The following FAM107A variants were observed in gnomAD, a reference collection of about 807,000 sequenced individuals.
FAM107A encodes the protein actin-associated protein FAM107A.
FAM107A carries 19 observed loss-of-function variants against 13.7 expected under a neutral mutation model. The observed-to-expected ratio is 1.38, with a 90% confidence interval of 0.97 to 2.03. FAM107A has a LOEUF of 2.03. FAM107A is among the 30% of genes most tolerant of loss of function. The pLI, the probability that FAM107A is intolerant of heterozygous loss-of-function variation, is 0.00. For synonymous variants in FAM107A, 82 were observed against 74.5 expected (o/e 1.10, Z -0.52); for missense variants, 203 against 184.4 (o/e 1.10, Z -0.58).
chr3:58,585,425 G>C (rs542400059), intron 1 of FAM107A, among the ~76,000 whole-genome samples: 1 of 152,382 alleles, frequency 6.6e-6, no homozygotes, highest in South Asian at 2.1e-4. Flanking sequence ...GTTTGGGCCA[G>C]TTCTCGCTTT....
upstream of FAM107A, among the ~76,000 whole-genome samples, chr3:58,579,168 A>C (rs1383349286): frequency 1.3e-5 from 2 of 152,112 alleles, no homozygotes; most frequent in Admixed American, 6.6e-5. Flanking sequence ...AAGTCTGTAC[A>C]CATGGGAGAG....
rs533769878 is a variant in FAM107A at position 58,613,848 on chromosome 3, G to T, written c.-70+13568C>A. 1.3e-5 allele frequency among the ~76,000 whole-genome samples: 2 copies of T among 152,202 alleles called. No homozygotes were observed. The highest frequency in any genetic ancestry group is 4.8e-5 in the African/African-American group (2 of 41,458). ...CAGAAGGCGGAAGTCCAGCCCTTAC[G>T]GCCTGTCCAAGGTCTATACGTTACA... On this transcript the variant is annotated intron_variant, in intron 1 of 3. Transcript: ENST00000465970. The surrounding 1 kb of genome is among the most constrained non-coding windows in gnomAD (Gnocchi z 4.6).
At position 58,617,080 on chromosome 3, in the gene FAM107A, C is replaced by A. The variant is rs950422010; in HGVS notation, c.-70+10336G>T. ...AGCCACCGCGCCTGGCCTCGGCTACCCAGTTTCTGATCGTTTGTTATGGCC... is the reference window on the plus strand; with the variant it reads ...AGCCACCGCGCCTGGCCTCGGCTACACAGTTTCTGATCGTTTGTTATGGCC... On this transcript the variant is annotated intron_variant, in intron 1 of 3. Coordinates refer to the FAM107A transcript ENST00000465970. The surrounding 1 kb of genome is among the most constrained non-coding windows in gnomAD (Gnocchi z 4.5). Among the ~76,000 whole-genome samples the A allele has an allele frequency of 1.3e-5, 2 of 152,176 alleles. No individual in the cohort carries two copies. Among genetic ancestry groups the A allele is most frequent in the Admixed American group, 6.5e-5 (1 of 15,292 alleles).
In FAM107A at chr3:58,583,684, CT is replaced by C. The variant is rs1181380227; in HGVS notation, c.79+3173del. Reference sequence around the variant, plus strand: ...ACGTTTTTCTTTTTCTTTTTCTTTTCTTTTTTTTTGGGGGGGGACACGGTCT... The same window carrying C: ...ACGTTTTTCTTTTTCTTTTTCTTTTCTTTTTTTTGGGGGGGGACACGGTCT... On this transcript the variant is annotated intron_variant, in intron 1 of 3. Transcript: ENST00000447756. Among the ~76,000 whole-genome samples the C allele has an allele frequency of 2.7e-3, 401 of 149,918 alleles. 1 individual carries two copies. Among genetic ancestry groups the C allele is most frequent in the African/African-American group, 9.7e-3 (396 of 40,898 alleles).
At chr3:58,615,329 C>T (rs2065891615) in intron 1 of FAM107A, among the ~76,000 whole-genome samples, 1 of 152,122 alleles carries the variant, frequency 6.6e-6, no homozygotes, top group African/African-American at 2.4e-5. Context: ...ACATTTAGCT[C>T]AGTAAGTCTC....
chr3:58,601,133 T>C (rs1010646415), intron 1 of FAM107A, among the ~76,000 whole-genome samples: 1 of 152,256 alleles, frequency 6.6e-6, no homozygotes, highest in Non-Finnish European at 1.5e-5. Flanking sequence ...TTATTGATCA[T>C]AGGCTCACTT....
upstream of FAM107A, among the ~76,000 whole-genome samples, chr3:58,587,449 A>G (rs541100088): frequency 2.6e-5 from 4 of 151,148 alleles, no homozygotes; most frequent in Non-Finnish European, 1.5e-5. Flanking sequence ...CTTTCCTCAC[A>G]TGGTTGTGAG....
At chr3:58,578,412 A>T (rs1337734310), upstream of FAM107A, among the ~76,000 whole-genome samples, 3 of 152,130 alleles carry the variant, frequency 2.0e-5, no homozygotes, top group Non-Finnish European at 2.9e-5. Flanking sequence ...TACTAAAAAT[A>T]CAAAAATTAG....
Position 58,601,833 on chromosome 3 carries a change from G to T in FAM107A, c.-69-12564C>A, listed in dbSNP as rs373602132. Among the ~76,000 whole-genome samples, 28 of 152,342 alleles carry T rather than the reference G, an allele frequency of 1.8e-4. No homozygotes were observed. In the South Asian group the frequency reaches 5.6e-3, roughly 30 times the overall value. On this transcript the variant is annotated intron_variant, in intron 1 of 3. Transcript: ENST00000465970. ...CTAATAATCACCCCGGAATGTATTT[G>T]CTGGGTGGGTTTGGAATTTTGGCAA...
exon 1 of FAM107A, chr3:58,586,897 C>T (rs1189877813): frequency 2.6e-6 from 4 of 1,533,180 alleles, no homozygotes; most frequent in South Asian, 1.2e-5. Flanking sequence ...CCGGTGGCAT[C>T]GGAGGGCCCC....
rs1577016429 is a variant in FAM107A at position 58,566,425 on chromosome 3, C to A, written c.*163G>T. ...AACCTAGGAGCTTAGGGGCCCCAGC[C>A]TCCCAGGGAGAGCCAGGCCCTCTGG... On this transcript the variant is annotated 3_prime_UTR_variant, in exon 4 of 4. Transcript: ENST00000360997. 5.0e-6 allele frequency: 3 copies of A among 603,528 alleles called. No individual in the cohort carries two copies. Among genetic ancestry groups the A allele is most frequent in the East Asian group, 2.8e-5 (1 of 35,914 alleles). The allele number at this position is 603,528 out of a possible 1,614,324, so 37.4% of individuals were successfully genotyped here.
chr3:58,582,159 A>G (rs1264272813), upstream of FAM107A, among the ~76,000 whole-genome samples: 2 of 152,260 alleles, frequency 1.3e-5, no homozygotes, highest in African/African-American at 4.8e-5. Context: ...CACACATCGA[A>G]GTTAAATTTG....
intron 2 of FAM107A, among the ~76,000 whole-genome samples, chr3:58,568,160 C>G (rs1364862921): frequency 6.6e-6 from 1 of 151,940 alleles, no homozygotes; most frequent in Non-Finnish European, 1.5e-5. Context: ...CTGGGCCAGG[C>G]ACAGTGGCTC....
At chr3:58,577,433 G>A (rs1168167304), upstream of FAM107A, 8 of 985,338 alleles carry the variant, frequency 8.1e-6, no homozygotes, top group East Asian at 1.1e-4. The surrounding 1 kb of genome is among the most constrained non-coding windows in gnomAD (Gnocchi z 4.9). Flanking sequence ...CCCTGGGAAC[G>A]GAGGCTGCTG....
chr3:58,611,350 G>A (rs776288302), intron 1 of FAM107A, among the ~76,000 whole-genome samples: 1 of 152,196 alleles, frequency 6.6e-6, no homozygotes, highest in Non-Finnish European at 1.5e-5. Context: ...TTGACAACTG[G>A]CCCTGTATTC....
chr3:58,579,695 G>A (rs890326162), upstream of FAM107A, among the ~76,000 whole-genome samples: 7 of 152,158 alleles, frequency 4.6e-5, no homozygotes, highest in South Asian at 4.1e-4. Flanking sequence ...ATCCTGGAGC[G>A]GGGGAACTTC....
At chr3:58,603,445 G>C (rs953389523) in intron 1 of FAM107A, among the ~76,000 whole-genome samples, 2 of 152,144 alleles carry the variant, frequency 1.3e-5, no homozygotes, top group Non-Finnish European at 2.9e-5. Flanking sequence ...TGCTGCAAGT[G>C]ACTTCTTGAG....
At chr3:58,582,352 G>A (rs2065557223), upstream of FAM107A, among the ~76,000 whole-genome samples, 1 of 152,236 alleles carries the variant, frequency 6.6e-6, no homozygotes, top group African/African-American at 2.4e-5. Context: ...TCTGGCTGCG[G>A]AGAAGAAGTA....
chr3:58,616,303 G>C (rs1396218380), intron 1 of FAM107A, among the ~76,000 whole-genome samples: 2 of 152,072 alleles, frequency 1.3e-5, no homozygotes, highest in Non-Finnish European at 2.9e-5. Context: ...TAGAACTTCA[G>C]GTGCCCGAGA....
Sources: gnomAD v4.1 joint callset for allele counts (sites outside exome capture counted in the v4.1 genomes callset) on GRCh38, gnomAD v4.1.1 for gene constraint, Gnocchi (gnomAD v3.1) non-coding constraint, MANE v1.5 for transcripts, NCBI Gene and HGNC (gene_info 2026-07-23, HGNC 2026-07-21) for gene names.